Variants in IRF6 observed in about 807,000 individuals in gnomAD.
IRF6 encodes the protein Van der Woude syndrome.
IRF6 carries 6 observed loss-of-function variants against 51.4 expected under a neutral mutation model. The ratio of observed to expected loss-of-function variants is 0.12; its 90% CI spans 0.06 to 0.23. IRF6 has a LOEUF of 0.23. IRF6 is among the 10% of genes least tolerant of loss of function. The pLI, the probability that IRF6 is intolerant of heterozygous loss-of-function variation, is 1.00. For missense variants in IRF6, 348 were observed against 585.2 expected, an observed-to-expected ratio of 0.59 and a Z score of 4.18; for synonymous variants, 178 against 215.7, an observed-to-expected ratio of 0.83 and a Z score of 1.53.
chr1:209,794,565 G>T (rs1285888268), intron 5 of IRF6, among the ~76,000 whole-genome samples: 1 of 152,182 alleles, frequency 6.6e-6, no homozygotes, highest in Non-Finnish European at 1.5e-5. Flanking sequence ...CAGCCAGGTG[G>T]TACTAAAAAG....
chr1:209,802,401 T>A (rs2077949533), intron 1 of IRF6, among the ~76,000 whole-genome samples: 1 of 152,210 alleles, frequency 6.6e-6, no homozygotes, highest in African/African-American at 2.4e-5. Flanking sequence ...CAGCTGGCAC[T>A]CACAGCAGAA....
chr1:209,789,204 G>T (rs1404722626), intron 8 of IRF6, among the ~76,000 whole-genome samples: 1 of 152,026 alleles, frequency 6.6e-6, no homozygotes, highest in Non-Finnish European at 1.5e-5. Flanking sequence ...TGTGCCTGTT[G>T]TCACAGCTAC....
At chr1:209,799,104 A>G (rs1488058315) in intron 3 of IRF6, among the ~76,000 whole-genome samples, 1 of 152,068 alleles carries the variant, frequency 6.6e-6, no homozygotes, top group Non-Finnish European at 1.5e-5. Context: ...GTGCTTTACA[A>G]ATCCCTTTCC....
Position 209,795,316 on chromosome 1 carries a change from T to A in IRF6, c.482A>T (p.Asp161Val), listed in dbSNP as rs1222530151. 1.2e-6 allele frequency: 2 copies of A among 1,614,184 alleles called. No individual in the cohort carries two copies. Among genetic ancestry groups the A allele is most frequent in the South Asian group, 2.2e-5 (2 of 91,086 alleles). ...ATTGATGTTCAGGAAGGGGAAGGTG[T>A]CCTGGATGGGAACATGGTGCTGCGA... ...DQSQHHVPIQ[D>V]TFPFLNINGS... Residue 161 changes from aspartate to valine, a missense_variant, in exon 5 of 9, where the codon GAC becomes GTC. Transcript: ENST00000367021.
chr1:209,788,240 G>A lies in IRF6; in HGVS notation c.*180C>T. ...AGGAGATTTGAAAAAGAAAAGCAAA[G>A]TCTGAAGGGTGATTTTTCCATAAAT... On this transcript the variant is annotated 3_prime_UTR_variant, in exon 9 of 9. Transcript: ENST00000367021. The A allele has an allele frequency of 4.9e-6, 3 of 610,974 alleles. No homozygotes were observed. The allele number at this position is 610,974 out of a possible 1,614,324, so 37.8% of individuals were successfully genotyped here. A position where few individuals can be genotyped will look rare whatever the true frequency, so the allele number is the denominator to read the frequency against.
chr1:209,803,803 A>G (rs1379748193), intron 1 of IRF6, among the ~76,000 whole-genome samples: 1 of 152,252 alleles, frequency 6.6e-6, no homozygotes, highest in Non-Finnish European at 1.5e-5. Flanking sequence ...AATATTAAGT[A>G]GCCATTAACA....
intron 3 of IRF6, among the ~76,000 whole-genome samples, chr1:209,797,970 T>C (rs2077914394): frequency 6.6e-6 from 1 of 152,232 alleles, no homozygotes; most frequent in African/African-American, 2.4e-5. Context: ...ATTCTGATCA[T>C]AGGCTTCTTC....
At position 209,788,596 on chromosome 1, in the gene IRF6, A is replaced by T. The variant is rs1397966250; in HGVS notation, c.1228T>A (p.Phe410Ile). 1.9e-6 allele frequency: 3 copies of T among 1,614,202 alleles called. No homozygotes were observed. The highest frequency in any genetic ancestry group is 2.5e-6 in the Non-Finnish European group (3 of 1,180,038). ...CTGCCACTATCAAAGGATCGTGTGA[A>T]ATCACCAGAAAACATCTCGTAGATC... ...RMIYEMFSGD[F>I]TRSFDSGSVR... The change falls in exon 9 of 9, where the codon TTC becomes ATC. Residue 410 changes from phenylalanine (F) to isoleucine (I), a missense_variant. Coordinates refer to ENST00000367021, the MANE Select transcript of IRF6 (RefSeq NM_006147.4).
rs1330329742 is a variant in IRF6 at position 209,786,332 on chromosome 1, A to G, written c.*2088T>C. The G allele has an allele frequency of 1.3e-5, 2 of 152,252 alleles. No individual in the cohort carries two copies. Among genetic ancestry groups the G allele is most frequent in the African/African-American group, 4.8e-5 (2 of 41,462 alleles). 9.4% of individuals were successfully genotyped at this position (152,252 alleles called of 1,614,324 possible). A position where few individuals can be genotyped will look rare whatever the true frequency, so the allele number is the denominator to read the frequency against. On this transcript the variant is annotated 3_prime_UTR_variant, in exon 9 of 9. Transcript: ENST00000367021. The stretch of plus-strand genomic sequence containing the variant: ...TCTGACATGTTCATAAACTTTTTAT[A>G]GTGGTTACGAACCAAAAGCTTGGCA...
chr1:209,791,530 G>T (rs674433), intron 6 of IRF6, among the ~76,000 whole-genome samples: 125,963 of 152,178 alleles, frequency 0.83, 52,278 homozygotes, highest in African/African-American at 0.89. Context: ...ACATTGATTC[G>T]TCATTGAGAT....
chr1:209,791,635 C>T (rs928185355), intron 6 of IRF6, among the ~76,000 whole-genome samples: 5 of 152,170 alleles, frequency 3.3e-5, no homozygotes, highest in East Asian at 1.9e-4. Flanking sequence ...TGGCCATTAA[C>T]CTCCCTGTTC....
At chr1:209,805,851 T>C (rs1163071637) in intron 1 of IRF6, 96 bp downstream of exon 1, 1 of 152,074 alleles carries the variant, frequency 6.6e-6, no homozygotes, top group Non-Finnish European at 1.5e-5. Context: ...CCAAGCAAGT[T>C]CTCTCACCCC....
intron 1 of IRF6, among the ~76,000 whole-genome samples, chr1:209,804,057 T>C (rs988285472): frequency 6.6e-6 from 1 of 152,242 alleles, no homozygotes; most frequent in Non-Finnish European, 1.5e-5. Context: ...TTCTCCCATA[T>C]ACATTATATA....
chr1:209,788,452 T>G lies in IRF6; in HGVS notation c.1372A>C (p.Met458Leu). The G allele has an allele frequency of 1.2e-6, 2 of 1,613,268 alleles. No individual in the cohort carries two copies. The highest frequency in any genetic ancestry group is 3.3e-5 in the Admixed American group (2 of 60,004). ...SWQPMQPTPSMQLPPALPPQ is the reference protein window; with the variant it reads ...SWQPMQPTPSLQLPPALPPQ Reference sequence around the variant, plus strand: ...GGAGGCAGGGCAGGGGGCAGTTGCATGCTGGGGGTGGGCTGCATGGGCTGC... The same window carrying G: ...GGAGGCAGGGCAGGGGGCAGTTGCAGGCTGGGGGTGGGCTGCATGGGCTGC... The change falls in exon 9 of 9, where the codon ATG (methionine) becomes CTG (leucine). Residue 458 changes from methionine to leucine, a missense_variant. By Grantham distance (15) the Met-to-Leu change is conservative. This residue lies in a region of IRF6 where 48 missense variants were observed against 66.9 expected (regional missense o/e 0.72). Transcript: ENST00000367021.
chr1:209,793,249 A>C (rs1258885256), intron 5 of IRF6: 1 of 152,122 alleles, frequency 6.6e-6, no homozygotes. Flanking sequence ...TCTGTCACCC[A>C]GACTGGAGTG....
Position 209,788,362 on chromosome 1 carries a change from A to T in IRF6, c.*58T>A, listed in dbSNP as rs1034633691. On this transcript the variant is annotated 3_prime_UTR_variant, in exon 9 of 9. Coordinates refer to ENST00000367021, the MANE Select transcript of IRF6 (RefSeq NM_006147.4). ...TAAAAGCTGGTTAAATCTAAACAAT[A>T]AAAAAATCCATATGTACAATATTAT... 1.7e-4 allele frequency: 198 copies of T among 1,174,818 alleles called. No individual in the cohort carries two copies. Among genetic ancestry groups the T allele is most frequent in the Non-Finnish European group, 2.4e-4 (190 of 793,938 alleles). The allele number at this position is 1,174,818 out of a possible 1,614,324, so 72.8% of individuals were successfully genotyped here. A position where few individuals can be genotyped will look rare whatever the true frequency, so the allele number is the denominator to read the frequency against.
In IRF6 at chr1:209,801,428, A is replaced by G; in HGVS notation, c.-3-12T>C. On this transcript the variant is annotated splice_polypyrimidine_tract_variant and intron_variant, in intron 2 of 8. Coordinates refer to ENST00000367021, the MANE Select transcript of IRF6 (RefSeq NM_006147.4). ...TGGAGGGCCATGATCTGGGGGGGTCAGAGGGAGAAATGGGAAGAGCAGAAG... is the reference window on the plus strand; with the variant it reads ...TGGAGGGCCATGATCTGGGGGGGTCGGAGGGAGAAATGGGAAGAGCAGAAG... The G allele has an allele frequency of 6.4e-7, 1 of 1,565,244 alleles. No individual in the cohort carries two copies. The highest frequency in any genetic ancestry group is 8.6e-7 in the Non-Finnish European group (1 of 1,159,482).
chr1:209,797,342 C>T (rs1409498312), intron 3 of IRF6, among the ~76,000 whole-genome samples: 1 of 133,746 alleles, frequency 7.5e-6, no homozygotes, highest in Non-Finnish European at 1.5e-5. Flanking sequence ...TGCACCCGAG[C>T]CTGGGCAACA....
chr1:209,789,699 T>C lies in IRF6; in HGVS notation c.1147A>G (p.Lys383Glu), dbSNP rs2077857475. ...LCFGEEWPDG[K>E]PLERKLILVQ... Reference sequence around the variant, plus strand: ...AAGATGAGTTTCCTTTCCAATGGTTTCCCATCTGGCCATTCTTCCCCAAAG... The same window carrying C: ...AAGATGAGTTTCCTTTCCAATGGTTCCCCATCTGGCCATTCTTCCCCAAAG... Residue 383 changes from lysine (K) to glutamate (E), a missense_variant, in exon 8 of 9, where the codon AAA (lysine) becomes GAA (glutamate). This residue lies in a region of IRF6 where 125 missense variants were observed against 222.0 expected (regional missense o/e 0.56). Coordinates refer to ENST00000367021, the MANE Select transcript of IRF6 (RefSeq NM_006147.4). 6.2e-7 allele frequency: 1 copy of C among 1,613,718 alleles called. No individual in the cohort carries two copies. The highest frequency in any genetic ancestry group is 1.3e-5 in the African/African-American group (1 of 74,918).
Sources: gnomAD v4.1 joint callset for allele counts (sites outside exome capture counted in the v4.1 genomes callset) on GRCh38, gnomAD v4.1.1 for gene constraint, gnomAD v4.1.1 regional missense constraint, MANE v1.5 for transcripts, NCBI Gene and HGNC (gene_info 2026-07-23, HGNC 2026-07-21) for gene names.